The following TMEM200B variants were observed in gnomAD, a reference collection of about 807,000 sequenced individuals.
TMEM200B encodes transmembrane protein TTMA.
In TMEM200B, 12 loss-of-function variants were observed where a neutral mutation model predicts 17.6. That is an observed-to-expected ratio of 0.68 (90% CI 0.44 to 1.11). The LOEUF is 1.11. Ranked by LOEUF, TMEM200B falls within the 50% of genes least tolerant of loss-of-function variation. The pLI is 0.00. For missense variants in TMEM200B, 456 were observed against 447.6 expected (o/e 1.02, Z -0.17); for synonymous variants, 234 against 209.2 (o/e 1.12, Z -1.02).
rs1671813926 is a variant in TMEM200B at position 29,121,929 on chromosome 1, G to A, written c.-20-81C>T. The A allele has an allele frequency of 9.6e-7, 1 of 1,041,036 alleles. No homozygotes were observed. The highest frequency in any genetic ancestry group is 1.7e-5 in the African/African-American group (1 of 58,922). 64.5% of individuals were successfully genotyped at this position (1,041,036 alleles called of 1,614,324 possible). ...CGCCAGGTTCGGGGCGCAAATCCGG[G>A]AGGGAAGCTCCGGCCGCCCAGCCCA... On this transcript the variant is annotated intron_variant, in intron 1 of 1. Coordinates refer to ENST00000521452, the MANE Select transcript of TMEM200B (RefSeq NM_001003682.4). This position sits in a 1 kb window ranked among gnomAD's most constrained non-coding sequence, Gnocchi z 5.6.
At position 29,121,152 on chromosome 1, in the gene TMEM200B, A is replaced by G; in HGVS notation, c.677T>C (p.Leu226Pro). ...GLPALLNSYP[L>P]KGPGLPPPWG... is the part of the protein sequence containing the mutation. ...GGGTGGGGGCAGCCCGGGGCCCTTC[A>G]GCGGGTAGCTGTTGAGCAAGGCAGG... The change falls in exon 2 of 2, where the codon CTG becomes CCG. Residue 226 changes from leucine to proline, a missense_variant. By Grantham distance (98) the Leu-to-Pro change is moderately conservative. Coordinates refer to ENST00000521452, the MANE Select transcript of TMEM200B (RefSeq NM_001003682.4). This position sits in a 1 kb window ranked among gnomAD's most constrained non-coding sequence, Gnocchi z 5.6. 6.2e-7 allele frequency: 1 copy of G among 1,613,684 alleles called. No individual in the cohort carries two copies. Among genetic ancestry groups the G allele is most frequent in the Non-Finnish European group, 8.5e-7 (1 of 1,180,022 alleles).
At chr1:29,122,747 C>T (rs542350566) in intron 1 of TMEM200B, among the ~76,000 whole-genome samples, 32 of 152,336 alleles carry the variant, frequency 2.1e-4, no homozygotes, top group Non-Finnish European at 3.8e-4. Context: ...TCCCCCTTTC[C>T]CGCCGCCTGG....
Position 29,121,289 on chromosome 1 carries a change from G to A in TMEM200B, c.540C>T (p.Ala180=), listed in dbSNP as rs1326341311. 29 of 1,607,518 alleles carry A rather than the reference G, an allele frequency of 1.8e-5. No homozygotes were observed. Among genetic ancestry groups the A allele is most frequent in the Non-Finnish European group, 2.3e-5 (27 of 1,177,862 alleles). ...LPSPGPRSPR[A]VGCAEPEIWD... ...AGATTTCTGGCTCTGCGCAGCCTAC[G>A]GCTCGGGGACTCCTAGGGCCGGGGC... The change falls in exon 2 of 2, where the codon GCC becomes GCT. Residue 180 remains alanine (A), a synonymous_variant. Transcript: ENST00000521452. This position sits in a 1 kb window ranked among gnomAD's most constrained non-coding sequence, Gnocchi z 5.6.
intron 1 of TMEM200B, among the ~76,000 whole-genome samples, chr1:29,122,891 C>T (rs1259738849): frequency 6.6e-6 from 1 of 152,242 alleles, no homozygotes; most frequent in African/African-American, 2.4e-5. Context: ...TGCCTGCGGC[C>T]TGTGGCCTGG....
In TMEM200B at chr1:29,121,189, G is replaced by A. The variant is rs377589981; in HGVS notation, c.640C>T (p.Arg214Cys). 15 of 1,613,414 alleles carry A rather than the reference G, an allele frequency of 9.3e-6. No homozygotes were observed. The highest frequency in any genetic ancestry group is 1.0e-5 in the Non-Finnish European group (12 of 1,180,038). ...TTGAGCAAGGCAGGTAACCCCAAGC[G>A]AGGATTAGCGGGCTCTGAACGCAGA... ...RSLRSEPANP[R>C]LGLPALLNSY... Residue 214 changes from arginine to cysteine, a missense_variant, in exon 2 of 2, where the codon CGC becomes TGC. Physicochemically the swap from Arg to Cys is radical, Grantham distance 180. Coordinates refer to ENST00000521452, the MANE Select transcript of TMEM200B (RefSeq NM_001003682.4). This position sits in a 1 kb window ranked among gnomAD's most constrained non-coding sequence, Gnocchi z 5.6.
In TMEM200B at chr1:29,120,506, C is replaced by G. The variant is rs144605684; in HGVS notation, c.*399G>C. The G allele has an allele frequency of 3.4e-3, 691 of 201,390 alleles. 5 individuals are homozygous for G. The highest frequency in any genetic ancestry group is 0.015 in the African/African-American group (662 of 43,540). The allele number at this position is 201,390 out of a possible 1,614,324, so 12.5% of individuals were successfully genotyped here. ...AGTGCCGCCTTGGAGGGAGCCTGCC[C>G]CAGCCTGTAACATCCCAACCTACCT... On this transcript the variant is annotated 3_prime_UTR_variant, in exon 2 of 2. Transcript: ENST00000521452.
Position 29,119,579 on chromosome 1 carries a change from C to G in TMEM200B, c.*1326G>C, listed in dbSNP as rs1168131404. 6.6e-6 allele frequency: 1 copy of G among 152,268 alleles called. No individual in the cohort carries two copies. Among genetic ancestry groups the G allele is most frequent in the Admixed American group, 6.5e-5 (1 of 15,276 alleles). 9.4% of individuals were successfully genotyped at this position (152,268 alleles called of 1,614,324 possible). A position where few individuals can be genotyped will look rare whatever the true frequency, so the allele number is the denominator to read the frequency against. On this transcript the variant is annotated 3_prime_UTR_variant, in exon 2 of 2. Transcript: ENST00000521452. ...GCGGGACCCGTCAGGGCCCCGTGAC[C>G]CATCCCCGTCCCCACCCCCCCCTCC...
chr1:29,121,651 C>T lies in TMEM200B; in HGVS notation c.178G>A (p.Ala60Thr), dbSNP rs1344296015. The T allele has an allele frequency of 4.2e-6, 6 of 1,430,062 alleles. No individual in the cohort carries two copies. Among genetic ancestry groups the T allele is most frequent in the East Asian group, 6.1e-5 (2 of 32,618 alleles). 88.6% of individuals were successfully genotyped at this position (1,430,062 alleles called of 1,614,324 possible). ...CCCATACCCACCAGTACCACGAGCG[C>T]CCCCAGCGCCGCGAACGCCCCCGAC... Reference protein sequence around the residue: ...SPSGAFAALGALVVLVGMGIA... With the variant: ...SPSGAFAALGTLVVLVGMGIA... The change falls in exon 2 of 2, where the codon GCG (alanine) becomes ACG (threonine). Residue 60 changes from alanine to threonine, a missense_variant. Coordinates refer to ENST00000521452, the MANE Select transcript of TMEM200B (RefSeq NM_001003682.4). This position sits in a 1 kb window ranked among gnomAD's most constrained non-coding sequence, Gnocchi z 5.6.
At chr1:29,123,691 C>G (rs1022723889) in intron 1 of TMEM200B, among the ~76,000 whole-genome samples, 165 bp downstream of exon 1, 1 of 151,442 alleles carries the variant, frequency 6.6e-6, no homozygotes, top group African/African-American at 2.4e-5. Context: ...CCCCAGGACT[C>G]CAGGGTCCCG....
rs982594402 is a variant in TMEM200B at position 29,119,563 on chromosome 1, G to C, written c.*1342C>G. On this transcript the variant is annotated 3_prime_UTR_variant, in exon 2 of 2. Coordinates refer to ENST00000521452, the MANE Select transcript of TMEM200B (RefSeq NM_001003682.4). ...CTCAGGGAGCCTAACTGCGGGACCC[G>C]TCAGGGCCCCGTGACCCATCCCCGT... 1.3e-5 allele frequency: 2 copies of C among 152,224 alleles called. No individual in the cohort carries two copies. The highest frequency in any genetic ancestry group is 2.9e-5 in the Non-Finnish European group (2 of 68,100). 9.4% of individuals were successfully genotyped at this position (152,224 alleles called of 1,614,324 possible).
At position 29,121,419 on chromosome 1, in the gene TMEM200B, T is replaced by C; in HGVS notation, c.410A>G (p.Tyr137Cys). 6.5e-7 allele frequency: 1 copy of C among 1,537,364 alleles called. No homozygotes were observed. The highest frequency in any genetic ancestry group is 2.4e-5 in the East Asian group (1 of 40,876). Reference protein sequence around the residue: ...FVFICANTLLYENRDLETRRL... With the variant: ...FVFICANTLLCENRDLETRRL... ...TCGCGTCTCCAAGTCTCGGTTCTCA[T>C]ACAGCAGTGTGTTGGCGCAGATGAA... is the stretch of plus-strand genomic sequence containing the variant. Residue 137 changes from tyrosine to cysteine, a missense_variant, in exon 2 of 2, where the codon TAT becomes TGT. Transcript: ENST00000521452. The surrounding 1 kb of genome is among the most constrained non-coding windows in gnomAD (Gnocchi z 5.6).
chr1:29,122,338 C>G (rs777583409), intron 1 of TMEM200B: 3 of 152,974 alleles, frequency 2.0e-5, no homozygotes, highest in Non-Finnish European at 4.4e-5. Context: ...CCGGGCCCCA[C>G]CTCCCCCCTA....
intron 1 of TMEM200B, chr1:29,122,240 C>A (rs1479031223): frequency 3.9e-5 from 6 of 152,686 alleles, no homozygotes; most frequent in African/African-American, 1.4e-4. Flanking sequence ...TAAGTACCTC[C>A]CGGGCTCGAC....
chr1:29,123,287 C>T (rs506807), intron 1 of TMEM200B, among the ~76,000 whole-genome samples: 19,414 of 152,218 alleles, frequency 0.13, 1,771 homozygotes, highest in African/African-American at 0.26. Context: ...GGAGACTGCC[C>T]GACCCCGCAC....
rs749060944 is a variant in TMEM200B at position 29,121,824 on chromosome 1, G to A, written c.5C>T (p.Thr2Met). 5 of 1,286,660 alleles carry A rather than the reference G, an allele frequency of 3.9e-6. No individual in the cohort carries two copies. In the Admixed American group the frequency reaches 9.6e-5, roughly 25 times the overall value. 79.7% of individuals were successfully genotyped at this position (1,286,660 alleles called of 1,614,324 possible). M[T>M]AGSPEECGEV... is the part of the protein sequence containing the mutation. ...CCCGCATTCTTCGGGGCTCCCGGCC[G>A]TCATCTCGCCGTCGTCTGGGCGCTC... is the stretch of plus-strand genomic sequence containing the variant. The change falls in exon 2 of 2, where the codon ACG (threonine) becomes ATG (methionine). Residue 2 changes from threonine (T) to methionine (M), a missense_variant. By Grantham distance (81) the Thr-to-Met change is moderately conservative (BLOSUM62 -1). Transcript: ENST00000521452. This position sits in a 1 kb window ranked among gnomAD's most constrained non-coding sequence, Gnocchi z 5.6.
In TMEM200B at chr1:29,121,451, C is replaced by G; in HGVS notation, c.378G>C (p.Leu126=). 4.4e-5 allele frequency: 68 copies of G among 1,534,372 alleles called. No individual in the cohort carries two copies. The highest frequency in any genetic ancestry group is 5.9e-5 in the Non-Finnish European group (68 of 1,145,874). ...GTGTGTTGGCGCAGATGAACACGAA[C>G]AGGCCGACGCCCATGATCACCGGCC... ...LLGPVIMGVG[L]FVFICANTLL... The change falls in exon 2 of 2, where the codon CTG becomes CTC. Residue 126 remains leucine, a synonymous_variant. Transcript: ENST00000521452. This position sits in a 1 kb window ranked among gnomAD's most constrained non-coding sequence, Gnocchi z 5.6.
rs1347691924 is a variant in TMEM200B, at chr1:29,121,697, C to A, written c.132G>T (p.Ala44=). The change falls in exon 2 of 2, where the codon GCG becomes GCT. Residue 44 remains alanine, a synonymous_variant. Coordinates refer to ENST00000521452, the MANE Select transcript of TMEM200B (RefSeq NM_001003682.4). The surrounding 1 kb of genome is among the most constrained non-coding windows in gnomAD (Gnocchi z 5.6). Reference sequence around the variant, plus strand: ...CCGACGGCGAGCGCAGCCGCAGCCGCGCCCGCACCCGCAGAGGCTCGGGCG... The same window carrying A: ...CCGACGGCGAGCGCAGCCGCAGCCGAGCCCGCACCCGCAGAGGCTCGGGCG... The part of the protein sequence containing the change: ...RSPPEPLRVR[A]RLRLRSPSGA... 7.7e-7 allele frequency: 1 copy of A among 1,292,012 alleles called. No individual in the cohort carries two copies. Among genetic ancestry groups the A allele is most frequent in the Admixed American group, 4.0e-5 (1 of 25,116 alleles). The allele number at this position is 1,292,012 out of a possible 1,614,324, so 80.0% of individuals were successfully genotyped here. A position where few individuals can be genotyped will look rare whatever the true frequency, so the allele number is the denominator to read the frequency against.
rs1370192121 is a variant in TMEM200B at position 29,120,621 on chromosome 1, C to G, written c.*284G>C. ...AGTCACCCTGGCCTGGACCTCCAGC[C>G]CTGTTAGGGCTAAGGCCACTTACAG... On this transcript the variant is annotated 3_prime_UTR_variant, in exon 2 of 2. Coordinates refer to ENST00000521452, the MANE Select transcript of TMEM200B (RefSeq NM_001003682.4). 1 of 437,124 alleles carries G rather than the reference C, an allele frequency of 2.3e-6. No individual in the cohort carries two copies. Among genetic ancestry groups the G allele is most frequent in the African/African-American group, 2.0e-5 (1 of 51,240 alleles). 27.1% of individuals were successfully genotyped at this position (437,124 alleles called of 1,614,324 possible). A position where few individuals can be genotyped will look rare whatever the true frequency, so the allele number is the denominator to read the frequency against.
chr1:29,123,606 C>A (rs890985321), intron 1 of TMEM200B, among the ~76,000 whole-genome samples: 1 of 152,152 alleles, frequency 6.6e-6, no homozygotes, highest in South Asian at 2.1e-4. Context: ...GGTAGTGGGC[C>A]GACGCTGGGG....
Sources: allele counts gnomAD v4.1 joint callset (sites outside exome capture counted in the v4.1 genomes callset), GRCh38; gene constraint gnomAD v4.1.1; non-coding constraint Gnocchi (gnomAD v3.1); transcripts MANE v1.5; gene names NCBI Gene and HGNC (gene_info 2026-07-23, HGNC 2026-07-21).